The following CAMK1D variants were observed in gnomAD, a reference collection of about 807,000 sequenced individuals.
CAMK1D encodes calcium/calmodulin dependent protein kinase ID, also known as calcium/calmodulin-dependent protein kinase type 1D.
CAMK1D carries 9 observed loss-of-function variants against 47.7 expected under a neutral mutation model. That is an observed-to-expected ratio of 0.19 (90% CI 0.11 to 0.33). The LOEUF (loss-of-function observed/expected upper bound fraction) is 0.33, where lower values mean the gene tolerates loss of function less well. Among genes scored for constraint, CAMK1D ranks in the 10% least tolerant of loss-of-function variants. The pLI is 1.00. For synonymous variants in CAMK1D, 184 were observed against 184.9 expected (o/e 0.99, Z 0.04); for missense variants, 291 against 488.7 (o/e 0.60, Z 3.81).
chr10:12,782,996 GTTT>G (rs869121653), intron 5 of CAMK1D, among the ~76,000 whole-genome samples: 6 of 85,648 alleles, frequency 7.0e-5, no homozygotes, highest in East Asian at 1.3e-3. Context: ...TTTTTTTTTT[GTTT>G]TTTTTTTTTT....
At chr10:12,546,613 T>G (rs1408794386) in intron 1 of CAMK1D, among the ~76,000 whole-genome samples, 1 of 151,954 alleles carries the variant, frequency 6.6e-6, no homozygotes. Flanking sequence ...ATATACACCA[T>G]GGAATACTAT....
chr10:12,743,772 C>T (rs1835541861), intron 3 of CAMK1D, among the ~76,000 whole-genome samples: 1 of 152,350 alleles, frequency 6.6e-6, no homozygotes, highest in East Asian at 1.9e-4. Flanking sequence ...CCTGTAATCT[C>T]AGCACTTTGG....
intron 2 of CAMK1D, among the ~76,000 whole-genome samples, chr10:12,626,359 A>G (rs1839212708): frequency 6.6e-6 from 1 of 152,114 alleles, no homozygotes; most frequent in African/African-American, 2.4e-5. Flanking sequence ...TAGACTTACA[A>G]TGAAAAAGAG....
intron 1 of CAMK1D, 94 bp downstream of exon 1, chr10:12,350,004 AACCC>A: frequency 1.8e-6 from 1 of 558,102 alleles, no homozygotes; most frequent in Non-Finnish European, 2.9e-6. Context: ...CCGCGGCAGA[AACCC>A]AGCCTGTCAC....
At chr10:12,798,558 T>C (rs1838290140) in intron 6 of CAMK1D, among the ~76,000 whole-genome samples, 1 of 152,140 alleles carries the variant, frequency 6.6e-6, no homozygotes, top group Admixed American at 6.5e-5. Flanking sequence ...TTTGGAAAGA[T>C]GGGTGAGAAT....
chr10:12,774,366 A>G (rs1349669227), intron 5 of CAMK1D, among the ~76,000 whole-genome samples: 1 of 152,112 alleles, frequency 6.6e-6, no homozygotes, highest in Non-Finnish European at 1.5e-5. Flanking sequence ...CCATGCAGGT[A>G]TCTGGAGGGC....
At chr10:12,761,755 G>A (rs565966799) in intron 4 of CAMK1D, among the ~76,000 whole-genome samples, 8 of 152,234 alleles carry the variant, frequency 5.3e-5, no homozygotes, top group African/African-American at 1.9e-4. Context: ...GTGTGGTGGC[G>A]CGTGCCTGTA....
At chr10:12,378,856 C>T (rs1309191204) in intron 1 of CAMK1D, among the ~76,000 whole-genome samples, 1 of 141,282 alleles carries the variant, frequency 7.1e-6, no homozygotes, top group Non-Finnish European at 1.5e-5. Context: ...TGTCGCCTGG[C>T]TGGAGTGCCG....
intron 3 of CAMK1D, among the ~76,000 whole-genome samples, chr10:12,753,614 ATGCTTTTCCCC>A (rs1836089512): frequency 6.6e-6 from 1 of 152,206 alleles, no homozygotes; most frequent in African/African-American, 2.4e-5. Context: ...TCTGCCCGGA[ATGCTTTTCCCC>A]TGACCACACG....
intron 1 of CAMK1D, among the ~76,000 whole-genome samples, chr10:12,462,688 C>T (rs1833471507): frequency 6.6e-6 from 1 of 151,872 alleles, no homozygotes; most frequent in South Asian, 2.1e-4. Context: ...AGTTGTGGAG[C>T]TCTCATTCTC....
In CAMK1D at chr10:12,473,300, G is replaced by C. The variant is rs188710225; in HGVS notation, c.93-79925G>C. On this transcript the variant is annotated intron_variant, in intron 1 of 10. Transcript: ENST00000619168. ...TCATAACAATAGTGAACTGAGGCTG[G>C]GTGTGGTGATGTAATTCCAGCTACT... Among the ~76,000 whole-genome samples, 4 of 152,220 alleles carry C rather than the reference G, an allele frequency of 2.6e-5. No individual in the cohort carries two copies. In the East Asian group the frequency reaches 7.7e-4, roughly 29 times the overall value.
intron 1 of CAMK1D, among the ~76,000 whole-genome samples, chr10:12,376,795 C>T (rs576867385): frequency 6.6e-6 from 1 of 151,652 alleles, no homozygotes; most frequent in Admixed American, 6.6e-5. Flanking sequence ...GCTCTGTCGC[C>T]CAGGCTGGAG....
intron 1 of CAMK1D, among the ~76,000 whole-genome samples, chr10:12,399,498 C>T (rs897356827): frequency 3.3e-5 from 5 of 150,520 alleles, no homozygotes; most frequent in Admixed American, 1.3e-4. Flanking sequence ...AGCAAGACTC[C>T]GTCTGAAAAA....
At chr10:12,360,096 A>C (rs1837615827) in intron 1 of CAMK1D, among the ~76,000 whole-genome samples, 1 of 152,182 alleles carries the variant, frequency 6.6e-6, no homozygotes. Context: ...TCACAGGCTG[A>C]GCAGAGGAAG....
At chr10:12,486,065 G>C (rs1321833129) in intron 1 of CAMK1D, among the ~76,000 whole-genome samples, 2 of 152,104 alleles carry the variant, frequency 1.3e-5, no homozygotes, top group Non-Finnish European at 2.9e-5. Flanking sequence ...GGATTTGCCA[G>C]CATCTTATAA....
chr10:12,458,672 A>G (rs547011314), intron 1 of CAMK1D, among the ~76,000 whole-genome samples: 7 of 152,230 alleles, frequency 4.6e-5, no homozygotes, highest in African/African-American at 1.7e-4. Flanking sequence ...GCCTCAAGCG[A>G]TCCTCCTGCC....
chr10:12,577,536 G>C (rs1419253100), intron 2 of CAMK1D, among the ~76,000 whole-genome samples: 1 of 152,182 alleles, frequency 6.6e-6, no homozygotes, highest in Non-Finnish European at 1.5e-5. Flanking sequence ...TTCTGTTTCT[G>C]CCATTATTAC....
At chr10:12,662,780 A>C (rs565464568) in intron 2 of CAMK1D, among the ~76,000 whole-genome samples, 2 of 152,312 alleles carry the variant, frequency 1.3e-5, no homozygotes, top group South Asian at 4.1e-4. Flanking sequence ...CTGGGGTGAC[A>C]GTAGTGAAAC....
At chr10:12,370,797 G>C (rs1390158171) in intron 1 of CAMK1D, among the ~76,000 whole-genome samples, 1 of 152,024 alleles carries the variant, frequency 6.6e-6, no homozygotes, top group Non-Finnish European at 1.5e-5. Flanking sequence ...TAGTAGAGAC[G>C]GGGTTTCACC....
Sources: gnomAD v4.1 joint callset for allele counts (sites outside exome capture counted in the v4.1 genomes callset) on GRCh38, gnomAD v4.1.1 for gene constraint, MANE v1.5 for transcripts, NCBI Gene and HGNC (gene_info 2026-07-23, HGNC 2026-07-21) for gene names.